The following NOTCH1 variants were observed in gnomAD, a reference collection of about 807,000 sequenced individuals.
The protein encoded by NOTCH1 is notch receptor 1, also known as neurogenic locus notch homolog protein 1.
A neutral mutation model predicts 254.8 loss-of-function variants in NOTCH1; 37 were observed. The observed-to-expected ratio is 0.15, with a 90% CI of 0.11 to 0.19. The LOEUF (loss-of-function observed/expected upper bound fraction) is 0.19. NOTCH1 is among the 10% of genes least tolerant of loss of function. NOTCH1 has a pLI of 1.00. For synonymous variants in NOTCH1, 1,731 were observed against 1,618.1 expected, an observed-to-expected ratio of 1.07 and a Z score of -1.68; for missense variants, 2,972 against 3,708.6, an observed-to-expected ratio of 0.80 and a Z score of 5.16.
At position 136,523,126 on chromosome 9, in the gene NOTCH1, G is replaced by C; in HGVS notation, c.466C>G (p.Leu156Val). 6.2e-7 allele frequency: 1 copy of C among 1,604,796 alleles called. No individual in the cohort carries two copies. Among genetic ancestry groups the C allele is most frequent in the East Asian group, 2.2e-5 (1 of 44,524 alleles). Residue 156 changes from leucine to valine, a missense_variant, in exon 4 of 34, where the codon CTG (leucine) becomes GTG (valine). Coordinates refer to ENST00000651671, the MANE Select transcript of NOTCH1 (RefSeq NM_017617.5). ...SNPCANGGQC[L>V]PFEASYICHC... Reference sequence around the variant, plus strand: ...CAGATGTAGGAGGCCTCGAAGGGCAGGCACTGGCCACCGTTGGCGCAGGGG... The same window carrying C: ...CAGATGTAGGAGGCCTCGAAGGGCACGCACTGGCCACCGTTGGCGCAGGGG...
In NOTCH1 at chr9:136,494,536, G is replaced by T. The variant is rs1443965351; in HGVS notation, c.*1535C>A. On this transcript the variant is annotated 3_prime_UTR_variant, in exon 34 of 34. Transcript: ENST00000651671. The stretch of plus-strand genomic sequence containing the variant: ...GTTCCTCATGTAGATCACTTTTAAA[G>T]TCTTTTTCTGTAAACTACACTCTAT... The T allele has an allele frequency of 1.3e-5, 5 of 398,886 alleles. No individual in the cohort carries two copies. Among genetic ancestry groups the T allele is most frequent in the Non-Finnish European group, 2.2e-5 (5 of 226,074 alleles). 24.7% of individuals were successfully genotyped at this position (398,886 alleles called of 1,614,324 possible).
intron 17 of NOTCH1, 159 bp downstream of exon 17, chr9:136,510,494 G>A: frequency 1.0e-6 from 1 of 964,592 alleles, no homozygotes; most frequent in South Asian, 1.5e-5. Context: ...AACCACCCTG[G>A]CCATCCCTCA....
chr9:136,515,120 G>A lies in NOTCH1; in HGVS notation c.2014+170C>T, dbSNP rs12001048. 0.05 allele frequency among the ~76,000 whole-genome samples: 7,595 copies of A among 152,196 alleles called. 243 individuals carry two copies. The highest frequency in any genetic ancestry group is 0.089 in the South Asian group (430 of 4,810). ...ACAAGAGGGGTCGGGGGGACCCATC[G>A]TGCTGCCAGTTATAGCCCTGGTCCC... On this transcript the variant is annotated intron_variant, in intron 12 of 33. Coordinates refer to ENST00000651671, the MANE Select transcript of NOTCH1 (RefSeq NM_017617.5).
Position 136,522,946 on chromosome 9 carries a change from C to A in NOTCH1, c.646G>T (p.Glu216Ter). ...CRATHTGPNC[E>*]RPYVPCSPSP... ...GGGCTGCAGGGCACGTAGGGCCGCT[C>A]GCAGTTGGGGCCAGTGTGGGTGGCG... The change falls in exon 4 of 34, where the codon GAG becomes TAG. Residue 216 changes from glutamate to a stop codon, truncating the protein, a stop_gained. Coordinates refer to ENST00000651671, the MANE Select transcript of NOTCH1 (RefSeq NM_017617.5). LOFTEE classifies it high-confidence loss of function. 1 of 1,555,996 alleles carries A rather than the reference C, an allele frequency of 6.4e-7. No homozygotes were observed. Among genetic ancestry groups the A allele is most frequent in the East Asian group, 2.4e-5 (1 of 41,424 alleles).
At chr9:136,500,970 GGCCCC>G in intron 30 of NOTCH1, 123 bp from the exon 31 acceptor site, 1 of 1,148,448 alleles carries the variant, frequency 8.7e-7, no homozygotes, top group Non-Finnish European at 1.2e-6. Context: ...AGCACTTGGT[GGCCCC>G]GTGCACACAG....
intron 5 of NOTCH1, 84 bp from the exon 6 acceptor site, chr9:136,518,908 C>A: frequency 8.1e-7 from 1 of 1,240,844 alleles, no homozygotes; most frequent in Non-Finnish European, 1.2e-6. Context: ...GGCAATGCCG[C>A]CCCCTCCAGG....
chr9:136,521,972 C>T (rs11574877), intron 4 of NOTCH1, among the ~76,000 whole-genome samples: 2 of 151,026 alleles, frequency 1.3e-5, no homozygotes, highest in Admixed American at 6.6e-5. Context: ...TCTTTTTTCT[C>T]TTCACTTTTT....
chr9:136,494,943 C>T lies in NOTCH1; in HGVS notation c.*1128G>A, dbSNP rs1842893937. 2.5e-6 allele frequency: 1 copy of T among 398,832 alleles called. No individual in the cohort carries two copies. The highest frequency in any genetic ancestry group is 4.4e-5 in the Admixed American group (1 of 22,744). 24.7% of individuals were successfully genotyped at this position (398,832 alleles called of 1,614,324 possible). ...CCCCTGCCCGACCGCATGCCCCCTG[C>T]CAGGGCTGCGGGGACAGGACCAAAG... On this transcript the variant is annotated 3_prime_UTR_variant, in exon 34 of 34. Coordinates refer to ENST00000651671, the MANE Select transcript of NOTCH1 (RefSeq NM_017617.5).
At position 136,540,533 on chromosome 9, in the gene NOTCH1, C is replaced by A. The variant is rs375583499; in HGVS notation, c.140+3491G>T. ...GCACTGTCAGCCAACGGGGAGAAGG[C>A]GGGGAAGAAAGGAGCGCTGACCAGG... On this transcript the variant is annotated intron_variant, in intron 2 of 33. Coordinates refer to ENST00000651671, the MANE Select transcript of NOTCH1 (RefSeq NM_017617.5). The surrounding 1 kb of genome is among the most constrained non-coding windows in gnomAD (Gnocchi z 4.4). 6.6e-6 allele frequency among the ~76,000 whole-genome samples: 1 copy of A among 152,166 alleles called. No homozygotes were observed. The highest frequency in any genetic ancestry group is 1.5e-5 in the Non-Finnish European group (1 of 68,030).
At position 136,540,708 on chromosome 9, in the gene NOTCH1, C is replaced by T. The variant is rs1033892456; in HGVS notation, c.140+3316G>A. On this transcript the variant is annotated intron_variant, in intron 2 of 33. Coordinates refer to ENST00000651671, the MANE Select transcript of NOTCH1 (RefSeq NM_017617.5). The surrounding 1 kb of genome is among the most constrained non-coding windows in gnomAD (Gnocchi z 4.4). The stretch of plus-strand genomic sequence containing the variant: ...TAGTGGCCAGGCCAGGCCTCAGACA[C>T]GAGGTTGTCCAAAGCTAAAGCGCAC... 1.3e-5 allele frequency among the ~76,000 whole-genome samples: 2 copies of T among 152,076 alleles called. No individual in the cohort carries two copies. The highest frequency in any genetic ancestry group is 2.9e-5 in the Non-Finnish European group (2 of 68,014).
intron 2 of NOTCH1, chr9:136,543,704 T>C (rs1029014055): frequency 8.1e-6 from 4 of 495,242 alleles, no homozygotes; most frequent in South Asian, 4.0e-5. Flanking sequence ...GTCCAGAGCT[T>C]CCCCTGGCAG....
intron 2 of NOTCH1, among the ~76,000 whole-genome samples, chr9:136,537,783 G>A (rs904955887): frequency 2.0e-5 from 3 of 152,270 alleles, no homozygotes; most frequent in African/African-American, 7.2e-5. Flanking sequence ...GTGACAGGGT[G>A]AGACCCCATC....
intron 2 of NOTCH1, among the ~76,000 whole-genome samples, chr9:136,529,840 C>T (rs1843529839): frequency 6.6e-6 from 1 of 152,276 alleles, no homozygotes; most frequent in African/African-American, 2.4e-5. Context: ...CAGCCCAGCA[C>T]CACCAGGCCT....
Position 136,515,961 on chromosome 9 carries a change from T to C in NOTCH1, c.1669+20A>G, listed in dbSNP as rs1242992404. On this transcript the variant is annotated intron_variant, in intron 10 of 33. Transcript: ENST00000651671. ...TGTCCCGTCCCCAGTCCCTCCCCGC[T>C]GGTGGGCGCCAGCCCGCACCTTCCG... 3.1e-6 allele frequency: 5 copies of C among 1,589,704 alleles called. No homozygotes were observed. The highest frequency in any genetic ancestry group is 2.2e-5 in the South Asian group (2 of 90,502).
At chr9:136,536,085 C>G (rs2133395957) in intron 2 of NOTCH1, among the ~76,000 whole-genome samples, 1 of 152,154 alleles carries the variant, frequency 6.6e-6, no homozygotes, top group African/African-American at 2.4e-5. Context: ...TCCCAGAATT[C>G]CACAGGTCTC....
At position 136,514,602 on chromosome 9, in the gene NOTCH1, G is replaced by C. The variant is rs777838108; in HGVS notation, c.2115C>G (p.Pro705=). 1 of 1,609,832 alleles carries C rather than the reference G, an allele frequency of 6.2e-7. No individual in the cohort carries two copies. Among genetic ancestry groups the C allele is most frequent in the Non-Finnish European group, 8.5e-7 (1 of 1,178,964 alleles). Residue 705 remains proline (P), a synonymous_variant, in exon 13 of 34, where the codon CCC becomes CCG. Transcript: ENST00000651671. ...GGCAGGTGGGGTCGTGGTAGCCCTC[G>C]GGGCAGCGGCAGGTGAAGCCATTGA... ...DGINGFTCRC[P]EGYHDPTCLS... is the part of the protein sequence containing the mutation.
In NOTCH1 at chr9:136,505,573, G is replaced by A. The variant is rs894758539; in HGVS notation, c.4323C>T (p.Pro1441=). The A allele has an allele frequency of 6.2e-7, 1 of 1,610,556 alleles. No individual in the cohort carries two copies. Among genetic ancestry groups the A allele is most frequent in the South Asian group, 1.1e-5 (1 of 90,994 alleles). The change falls in exon 25 of 34, where the codon CCC becomes CCT. Residue 1441 remains proline, a synonymous_variant. Coordinates refer to ENST00000651671, the MANE Select transcript of NOTCH1 (RefSeq NM_017617.5). ...SFGGGAGRDI[P]PPLIEEACEL... Reference sequence around the variant, plus strand: ...CGCACGCCTCCTCGATCAGCGGCGGGGGGATGTCGCGCCCGGCCCCACCCC... The same window carrying A: ...CGCACGCCTCCTCGATCAGCGGCGGAGGGATGTCGCGCCCGGCCCCACCCC...
rs551999671 is a variant in NOTCH1, at chr9:136,511,310, C to T, written c.2468-39G>A. The T allele has an allele frequency of 1.2e-4, 182 of 1,582,054 alleles. No homozygotes were observed. The South Asian group carries it at 1.9e-3, about 17-fold the overall frequency. Reference sequence around the variant, plus strand: ...ACACACGTGACCCCGGGAGCCTCACCCAGAGGGATCTCCCAAATCGGCCAC... The same window carrying T: ...ACACACGTGACCCCGGGAGCCTCACTCAGAGGGATCTCCCAAATCGGCCAC... On this transcript the variant is annotated intron_variant, in intron 15 of 33. Transcript: ENST00000651671.
At chr9:136,527,381 G>A (rs1843480062) in intron 2 of NOTCH1, among the ~76,000 whole-genome samples, 1 of 152,238 alleles carries the variant, frequency 6.6e-6, no homozygotes, top group South Asian at 2.1e-4. Flanking sequence ...CTTCAATGCT[G>A]TCCCGGCGGC....
Sources: gnomAD v4.1 joint callset for allele counts (sites outside exome capture counted in the v4.1 genomes callset) on GRCh38, gnomAD v4.1.1 for gene constraint, Gnocchi (gnomAD v3.1) non-coding constraint, MANE v1.5 for transcripts, NCBI Gene and HGNC (gene_info 2026-07-23, HGNC 2026-07-21) for gene names.